Variants in RAB7A observed in about 807,000 individuals in gnomAD.
RAB7A encodes RAB7A, member RAS oncogene family.
RAB7A carries 2 observed loss-of-function variants against 24.5 expected under a neutral mutation model. The ratio of observed to expected loss-of-function variants is 0.08; its 90% confidence interval spans 0.03 to 0.26. The LOEUF is 0.26. Ranked by LOEUF, RAB7A falls within the 10% of genes least tolerant of loss-of-function variation. The pLI is 1.00. For synonymous variants in RAB7A, 100 were observed against 95.9 expected (o/e 1.04, Z -0.25); for missense variants, 118 against 255.7 (o/e 0.46, Z 3.67).
At chr3:128,738,517 T>C (rs1278843749) in intron 1 of RAB7A, among the ~76,000 whole-genome samples, 1 of 152,208 alleles carries the variant, frequency 6.6e-6, no homozygotes, top group Admixed American at 6.5e-5. Context: ...TTCATCTCTG[T>C]TTTCTAGCTC....
chr3:128,737,834 T>TTG (rs1553716596), intron 1 of RAB7A, among the ~76,000 whole-genome samples: 1 of 74,260 alleles, frequency 1.3e-5, no homozygotes, highest in East Asian at 2.5e-4. Context: ...AGTTTTTTTT[T>TTG]TTTTTTTTTT....
intron 1 of RAB7A, among the ~76,000 whole-genome samples, chr3:128,763,718 G>A (rs2070797553): frequency 6.6e-6 from 1 of 151,994 alleles, no homozygotes; most frequent in South Asian, 2.1e-4. Flanking sequence ...GGTGCCATGT[G>A]GATCTTTTAG....
chr3:128,737,825 G>GTTGT (rs2070506278), intron 1 of RAB7A, among the ~76,000 whole-genome samples: 1 of 59,484 alleles, frequency 1.7e-5, no homozygotes, highest in Non-Finnish European at 3.0e-5. Flanking sequence ...TTTTTTTGTA[G>GTTGT]TTTTTTTTTT....
chr3:128,739,368 C>T (rs1279563862), intron 1 of RAB7A, among the ~76,000 whole-genome samples: 1 of 152,022 alleles, frequency 6.6e-6, no homozygotes, highest in African/African-American at 2.4e-5. Flanking sequence ...CAAAAAGTAG[C>T]TGGGTGTGGT....
At chr3:128,766,876 C>CT (rs923546072) in intron 1 of RAB7A, among the ~76,000 whole-genome samples, 3 of 152,256 alleles carry the variant, frequency 2.0e-5, no homozygotes, top group Admixed American at 6.5e-5. Flanking sequence ...AACTGCCAGA[C>CT]TGTTTTCCAA....
intron 1 of RAB7A, among the ~76,000 whole-genome samples, chr3:128,784,427 T>C (rs1576293805): frequency 6.6e-6 from 1 of 152,274 alleles, no homozygotes; most frequent in East Asian, 1.9e-4. Flanking sequence ...AGTGCAGTCC[T>C]CTCTTGCCTG....
intron 1 of RAB7A, among the ~76,000 whole-genome samples, chr3:128,733,742 T>C (rs34918512): frequency 0.16 from 24,724 of 152,194 alleles, 2,445 homozygotes; most frequent in South Asian, 0.3. Context: ...CCTCAGTTAC[T>C]TCTTTAAAGG....
At chr3:128,726,883 C>T (rs2070385996) in intron 1 of RAB7A, among the ~76,000 whole-genome samples, 1 of 152,234 alleles carries the variant, frequency 6.6e-6, no homozygotes, top group South Asian at 2.1e-4. Context: ...TGAGTCAGGT[C>T]ACGTGCGCTG....
chr3:128,750,567 A>G (rs754288134), intron 1 of RAB7A, among the ~76,000 whole-genome samples: 11 of 152,202 alleles, frequency 7.2e-5, no homozygotes, highest in African/African-American at 1.2e-4. Flanking sequence ...TGGCCAGCCA[A>G]AGAAATTTCT....
intron 1 of RAB7A, chr3:128,764,825 C>T: frequency 1.0e-6 from 1 of 966,666 alleles, no homozygotes; most frequent in Admixed American, 1.7e-5. Flanking sequence ...TCGGCATGTT[C>T]CCTCTCCTCA....
chr3:128,765,182 G>A (rs1576284175), intron 1 of RAB7A, among the ~76,000 whole-genome samples: 1 of 152,172 alleles, frequency 6.6e-6, no homozygotes, highest in Non-Finnish European at 1.5e-5. Context: ...CACTGTTGAA[G>A]CAGGAAACCC....
At chr3:128,740,193 C>G (rs1482381377) in intron 1 of RAB7A, among the ~76,000 whole-genome samples, 4 of 152,094 alleles carry the variant, frequency 2.6e-5, no homozygotes, top group Non-Finnish European at 5.9e-5. Flanking sequence ...TCCTGACCAA[C>G]ATGGTGAAAT....
intron 1 of RAB7A, among the ~76,000 whole-genome samples, chr3:128,752,454 AAG>A (rs1278917892): frequency 1.3e-5 from 2 of 152,064 alleles, no homozygotes; most frequent in Non-Finnish European, 2.9e-5. Flanking sequence ...AAATGACAAA[AAG>A]AAAAATGAGG....
chr3:128,813,086 G>C (rs1229085485), intron 5 of RAB7A, among the ~76,000 whole-genome samples: 1 of 152,220 alleles, frequency 6.6e-6, no homozygotes, highest in African/African-American at 2.4e-5. Context: ...CTTCTGGCAA[G>C]ACTCCTCTCT....
At chr3:128,788,566 G>T (rs1933388703) in intron 1 of RAB7A, among the ~76,000 whole-genome samples, 1 of 152,138 alleles carries the variant, frequency 6.6e-6, no homozygotes, top group Non-Finnish European at 1.5e-5. Context: ...GGGGGTCTTG[G>T]GGCCTACCCC....
chr3:128,785,249 T>C (rs1192339410), intron 1 of RAB7A: 4 of 151,926 alleles, frequency 2.6e-5, no homozygotes, highest in Non-Finnish European at 5.9e-5. Flanking sequence ...ATTATACCAA[T>C]TGGGTGTCTG....
At chr3:128,726,901 C>T (rs1405653414) in intron 1 of RAB7A, among the ~76,000 whole-genome samples, 3 of 152,346 alleles carry the variant, frequency 2.0e-5, no homozygotes, top group African/African-American at 7.2e-5. Flanking sequence ...CTGGGCTCGC[C>T]TCGACACTTG....
At chr3:128,742,293 TC>T (rs1383236896) in intron 1 of RAB7A, among the ~76,000 whole-genome samples, 3 of 152,088 alleles carry the variant, frequency 2.0e-5, no homozygotes, top group Non-Finnish European at 4.4e-5. Context: ...GTGTTATAGC[TC>T]ATAAAGGCAG....
intron 1 of RAB7A, among the ~76,000 whole-genome samples, chr3:128,738,629 G>A (rs2070516310): frequency 6.6e-6 from 1 of 152,128 alleles, no homozygotes; most frequent in East Asian, 1.9e-4. Flanking sequence ...AATCCCTGGG[G>A]CTTGCCACAG....
Sources: gnomAD v4.1 joint callset for allele counts (sites outside exome capture counted in the v4.1 genomes callset) on GRCh38, gnomAD v4.1.1 for gene constraint, MANE v1.5 for transcripts, NCBI Gene and HGNC (gene_info 2026-07-23, HGNC 2026-07-21) for gene names.